SLX4IP: variants seen among roughly 807,000 people sequenced by gnomAD.
SLX4IP encodes the protein protein SLX4IP.
SLX4IP carries 34 observed loss-of-function variants against 32.9 expected under a neutral mutation model. The ratio of observed to expected loss-of-function variants is 1.03; its 90% confidence interval spans 0.79 to 1.38. SLX4IP has a LOEUF of 1.38. SLX4IP is among the 40% of genes most tolerant of loss of function. The probability of loss-of-function intolerance (pLI) is 0.00; values close to 1 mark genes in which losing one functional copy is unlikely to be tolerated. For synonymous variants in SLX4IP, 172 were observed against 171.7 expected (o/e 1.00, Z -0.01); for missense variants, 444 against 479.0 (o/e 0.93, Z 0.68).
At chr20:10,451,460 G>A (rs922133151) in intron 1 of SLX4IP, among the ~76,000 whole-genome samples, 8 of 151,986 alleles carry the variant, frequency 5.3e-5, no homozygotes, top group Admixed American at 5.2e-4. Context: ...GCGCCTGGCC[G>A]TGTTTTTCTT....
intron 2 of SLX4IP, among the ~76,000 whole-genome samples, chr20:10,553,294 A>T (rs1220859941): frequency 1.3e-5 from 2 of 151,844 alleles, no homozygotes; most frequent in Admixed American, 1.3e-4. Flanking sequence ...TACTAGATCC[A>T]TCACTATGTG....
At chr20:10,571,009 A>T (rs2066458626) in intron 4 of SLX4IP, among the ~76,000 whole-genome samples, 1 of 151,722 alleles carries the variant, frequency 6.6e-6, no homozygotes, top group African/African-American at 2.4e-5. Flanking sequence ...TTTTAAAAAA[A>T]TTTTGCAGAG....
At chr20:10,510,837 C>T (rs554249328) in intron 2 of SLX4IP, among the ~76,000 whole-genome samples, 1 of 152,290 alleles carries the variant, frequency 6.6e-6, no homozygotes, top group Admixed American at 6.5e-5. Context: ...ATCTCTCGAC[C>T]TCATGATCCA....
intron 6 of SLX4IP, among the ~76,000 whole-genome samples, chr20:10,618,570 T>C (rs754347741): frequency 4.9e-4 from 75 of 152,310 alleles, no homozygotes; most frequent in Middle Eastern, 3.4e-3. Context: ...TGTTGGTTAA[T>C]CTAATTTTTT....
chr20:10,578,620 T>A (rs1039725416), intron 4 of SLX4IP, among the ~76,000 whole-genome samples: 1 of 152,238 alleles, frequency 6.6e-6, no homozygotes, highest in African/African-American at 2.4e-5. Flanking sequence ...TCTGGGTCAT[T>A]CTGTACCTGT....
At chr20:10,500,130 CTTTTTTTTTTT>C (rs34751503) in intron 2 of SLX4IP, among the ~76,000 whole-genome samples, 3 of 90,074 alleles carry the variant, frequency 3.3e-5, no homozygotes, top group African/African-American at 8.4e-5. Flanking sequence ...TGTCAAAATT[CTTTTTTTTTTT>C]TTTTTTTTTT....
At chr20:10,567,199 G>C (rs932816483) in intron 4 of SLX4IP, among the ~76,000 whole-genome samples, 4 of 151,944 alleles carry the variant, frequency 2.6e-5, no homozygotes, top group Non-Finnish European at 4.4e-5. Context: ...GCATCCATGG[G>C]GTATGTCACC....
In SLX4IP at chr20:10,556,323, A is replaced by G. The variant is rs750932795; in HGVS notation, c.117+3A>G. 1 of 1,611,788 alleles carries G rather than the reference A, an allele frequency of 6.2e-7. No homozygotes were observed. Among genetic ancestry groups the G allele is most frequent in the Non-Finnish European group, 8.5e-7 (1 of 1,179,226 alleles). On this transcript the variant is annotated splice_donor_region_variant and intron_variant, in intron 3 of 7. Coordinates refer to ENST00000334534, the MANE Select transcript of SLX4IP (RefSeq NM_001009608.3). ...GGTTTTCTGAACAGAAGAAAGAGGT[A>G]CAACAAAACTTTCTACTATTTAATT...
At chr20:10,475,693 G>T (rs547758496) in intron 2 of SLX4IP, among the ~76,000 whole-genome samples, 24 of 152,312 alleles carry the variant, frequency 1.6e-4, no homozygotes, top group African/African-American at 5.8e-4. Context: ...CAAAACTGCT[G>T]CACTTTCTGC....
intron 4 of SLX4IP, among the ~76,000 whole-genome samples, chr20:10,586,862 A>G (rs1396270113): frequency 6.6e-6 from 1 of 152,156 alleles, no homozygotes; most frequent in Non-Finnish European, 1.5e-5. Context: ...AAGAATAAAT[A>G]TAAACCCTGA....
intron 2 of SLX4IP, among the ~76,000 whole-genome samples, chr20:10,500,961 C>A (rs2065712943): frequency 6.6e-6 from 1 of 152,086 alleles, no homozygotes; most frequent in South Asian, 2.1e-4. Flanking sequence ...GCCATGTCTG[C>A]AGGGAGATAA....
chr20:10,494,235 A>G (rs2065648765), intron 2 of SLX4IP, among the ~76,000 whole-genome samples: 1 of 151,878 alleles, frequency 6.6e-6, no homozygotes, highest in African/African-American at 2.4e-5. Flanking sequence ...ATTCTGTAAT[A>G]GTTTGTAATT....
chr20:10,472,390 C>T (rs2122364211), intron 2 of SLX4IP, among the ~76,000 whole-genome samples: 1 of 152,160 alleles, frequency 6.6e-6, no homozygotes, highest in East Asian at 1.9e-4. Context: ...GCCACCACGC[C>T]CGGCTAATTT....
intron 2 of SLX4IP, among the ~76,000 whole-genome samples, chr20:10,550,428 C>T (rs566513171): frequency 7.0e-4 from 106 of 152,302 alleles, no homozygotes; most frequent in African/African-American, 2.4e-3. Context: ...TGTCCTTCCT[C>T]TCCCTCACAC....
chr20:10,475,208 T>C (rs915296367), intron 2 of SLX4IP, among the ~76,000 whole-genome samples: 2 of 152,190 alleles, frequency 1.3e-5, no homozygotes, highest in Non-Finnish European at 2.9e-5. Context: ...CAGTTTGGTG[T>C]ATTGAGGTCA....
intron 2 of SLX4IP, among the ~76,000 whole-genome samples, chr20:10,461,817 G>A (rs1490688097): frequency 6.6e-6 from 1 of 152,064 alleles, no homozygotes; most frequent in Non-Finnish European, 1.5e-5. Context: ...TCACTCAGTC[G>A]CCCAGGCTGG....
At chr20:10,494,278 C>T (rs986625152) in intron 2 of SLX4IP, among the ~76,000 whole-genome samples, 10 of 151,442 alleles carry the variant, frequency 6.6e-5, no homozygotes, top group Middle Eastern at 3.2e-3. Flanking sequence ...AAAACTCTCT[C>T]GTGAAACTGC....
intron 2 of SLX4IP, among the ~76,000 whole-genome samples, chr20:10,465,500 T>C (rs1184258301): frequency 6.6e-6 from 1 of 152,202 alleles, no homozygotes; most frequent in Non-Finnish European, 1.5e-5. Context: ...ATATATCTTT[T>C]ATTTATCTAT....
chr20:10,556,935 C>T (rs1474741636), intron 3 of SLX4IP, among the ~76,000 whole-genome samples: 2 of 152,154 alleles, frequency 1.3e-5, no homozygotes, highest in Non-Finnish European at 2.9e-5. Context: ...CAAATTCACT[C>T]CTGGTTCTAA....
Sources: allele counts gnomAD v4.1 joint callset (sites outside exome capture counted in the v4.1 genomes callset), GRCh38; gene constraint gnomAD v4.1.1; transcripts MANE v1.5; gene names NCBI Gene and HGNC (gene_info 2026-07-23, HGNC 2026-07-21).